ZNF30: variants seen among roughly 807,000 people sequenced by gnomAD.
ZNF30 encodes zinc finger protein 30 (KOX 28).
In ZNF30, 15 loss-of-function variants were observed where a neutral mutation model predicts 13.2. The ratio of observed to expected loss-of-function variants is 1.13; its 90% CI spans 0.76 to 1.75. The LOEUF is 1.75. Ranked by LOEUF, ZNF30 falls within the 40% of genes most tolerant of loss-of-function variation. The probability of loss-of-function intolerance (pLI) is 0.00; values close to 1 mark genes in which losing one functional copy is unlikely to be tolerated. For missense variants in ZNF30, 726 were observed against 757.0 expected, an observed-to-expected ratio of 0.96 and a Z score of 0.48; for synonymous variants, 223 against 256.6, an observed-to-expected ratio of 0.87 and a Z score of 1.25.
In ZNF30 at chr19:34,931,695, T is replaced by C. The variant is rs1352784001; in HGVS notation, c.10-148T>C. Reference sequence around the variant, plus strand: ...CATTTTGTCCATAGCAGCAGGATTCTTCCAGAACATGCAGATACCATGCTC... The same window carrying C: ...CATTTTGTCCATAGCAGCAGGATTCCTCCAGAACATGCAGATACCATGCTC... On this transcript the variant is annotated intron_variant, in intron 2 of 4. Coordinates refer to ENST00000601142, the MANE Select transcript of ZNF30 (RefSeq NM_194325.3). The C allele has an allele frequency of 1.5e-5, 11 of 712,808 alleles. No individual in the cohort carries two copies. In the East Asian group the frequency reaches 1.7e-4, roughly 11 times the overall value. The allele number at this position is 712,808 out of a possible 1,614,324, so 44.2% of individuals were successfully genotyped here.
upstream of ZNF30, among the ~76,000 whole-genome samples, chr19:34,924,339 A>G (rs542139616): frequency 8.9e-4 from 135 of 152,268 alleles, 5 homozygotes; most frequent in South Asian, 0.027. Flanking sequence ...CTACTAATCT[A>G]TTTTATTTCT....
At chr19:34,934,761 C>T (rs898690039) in intron 4 of ZNF30, among the ~76,000 whole-genome samples, 9 of 151,944 alleles carry the variant, frequency 5.9e-5, no homozygotes, top group Admixed American at 3.3e-4. Context: ...AACATTTTTA[C>T]GGGGGCTGGG....
At position 34,928,094 on chromosome 19, in the gene ZNF30, A is replaced by G. The variant is rs370597154; in HGVS notation, c.-65+878A>G. Among the ~76,000 whole-genome samples, 50 of 151,530 alleles carry G rather than the reference A, an allele frequency of 3.3e-4. 1 individual carries two copies. The highest frequency in any genetic ancestry group is 2.7e-3 in the East Asian group (14 of 5,156). On this transcript the variant is annotated intron_variant, in intron 1 of 4. Coordinates refer to ENST00000601142, the MANE Select transcript of ZNF30 (RefSeq NM_194325.3). The stretch of plus-strand genomic sequence containing the variant: ...GTGGCGTGCGCTTGTAGTCACAGCT[A>G]CTTGAGAGGCGGAGGTGGGAGAAGT...
upstream of ZNF30, among the ~76,000 whole-genome samples, chr19:34,926,438 A>T (rs1245356311): frequency 6.6e-6 from 1 of 152,224 alleles, no homozygotes; most frequent in African/African-American, 2.4e-5. Flanking sequence ...TCCTTTTAAA[A>T]GGTCTTACAT....
intron 1 of ZNF30, 105 bp downstream of exon 1, chr19:34,927,321 G>T: frequency 3.2e-6 from 1 of 314,400 alleles, no homozygotes; most frequent in East Asian, 5.0e-5. Context: ...GCGAAGACTG[G>T]GTGCATGGCC....
intron 1 of ZNF30, among the ~76,000 whole-genome samples, chr19:34,929,571 G>A (rs913494303): frequency 6.6e-6 from 1 of 152,196 alleles, no homozygotes; most frequent in Admixed American, 6.5e-5. Flanking sequence ...GGCTTAGAAC[G>A]TGGGAATGGA....
At position 34,943,919 on chromosome 19, in the gene ZNF30, G is replaced by T; in HGVS notation, c.953G>T (p.Cys318Phe). ...CATACTGGCGAGAAACCCTATGAAT[G>T]TAAGGAGTGTGGGAAGTCCTTCACT... Reference protein sequence around the residue: ...RIHTGEKPYECKECGKSFTVY... With the variant: ...RIHTGEKPYEFKECGKSFTVY... The change falls in exon 5 of 5, where the codon TGT becomes TTT. Residue 318 changes from cysteine (C) to phenylalanine (F), a missense_variant. By Grantham distance (205) the Cys-to-Phe change is radical (BLOSUM62 -2). Coordinates refer to ENST00000601142, the MANE Select transcript of ZNF30 (RefSeq NM_194325.3). 6.2e-7 allele frequency: 1 copy of T among 1,614,124 alleles called. No homozygotes were observed. The highest frequency in any genetic ancestry group is 8.5e-7 in the Non-Finnish European group (1 of 1,179,982).
rs10422037 is a variant in ZNF30 at position 34,941,894 on chromosome 19, A to T, written c.257-1329A>T. 1.6e-4 allele frequency among the ~76,000 whole-genome samples: 25 copies of T among 152,132 alleles called. No homozygotes were observed. The South Asian group carries it at 5.0e-3, about 30-fold the overall frequency. On this transcript the variant is annotated intron_variant, in intron 4 of 4. Coordinates refer to ENST00000601142, the MANE Select transcript of ZNF30 (RefSeq NM_194325.3). ...GGCAATGTGTATCTTATCAGCAGAT[A>T]TCTAATGTCTGGCCGTGCTCCTCAT...
upstream of ZNF30, among the ~76,000 whole-genome samples, chr19:34,924,120 C>T (rs1317210250): frequency 1.3e-5 from 2 of 152,114 alleles, no homozygotes; most frequent in Non-Finnish European, 2.9e-5. Flanking sequence ...TTACCTCTGA[C>T]GATTAAACAC....
chr19:34,935,162 C>A (rs528004699), intron 4 of ZNF30, among the ~76,000 whole-genome samples: 1 of 151,696 alleles, frequency 6.6e-6, no homozygotes, highest in Non-Finnish European at 1.5e-5. Flanking sequence ...ACCCAGGAGG[C>A]GGAGCTTGCA....
At chr19:34,942,592 AG>A in intron 4 of ZNF30, 1 of 1,277,396 alleles carries the variant, frequency 7.8e-7, no homozygotes, top group Non-Finnish European at 1.0e-6. Flanking sequence ...AAACATGGAT[AG>A]GATAAGAAAG....
At chr19:34,928,246 T>TATATATATATATATATATATAC (rs2012220533) in intron 1 of ZNF30, among the ~76,000 whole-genome samples, 1 of 54,044 alleles carries the variant, frequency 1.9e-5, no homozygotes, top group African/African-American at 1.6e-4. Flanking sequence ...TATATATATA[T>TATATATATATATATATATATAC]ATATATATAG....
chr19:34,933,345 C>T (rs759277791), intron 3 of ZNF30, among the ~76,000 whole-genome samples: 1 of 151,882 alleles, frequency 6.6e-6, no homozygotes, highest in Admixed American at 6.6e-5. Flanking sequence ...CCCAGCTACT[C>T]GGGAGGCTGA....
chr19:34,939,644 C>T (rs920384799), intron 4 of ZNF30, among the ~76,000 whole-genome samples: 2 of 152,138 alleles, frequency 1.3e-5, no homozygotes, highest in Non-Finnish European at 2.9e-5. Flanking sequence ...AAAAGACATG[C>T]AGGTGATGTG....
In ZNF30 at chr19:34,944,340, T is replaced by C. The variant is rs771574906; in HGVS notation, c.1374T>C (p.Cys458=). ...RVHTGEKPYE[C]KECGKAFRVH... ...ATACTGGAGAGAAACCCTATGAGTG[T>C]AAGGAATGTGGCAAGGCCTTCAGAG... Residue 458 remains cysteine (C), a synonymous_variant, in exon 5 of 5, where the codon TGT becomes TGC. Coordinates refer to ENST00000601142, the MANE Select transcript of ZNF30 (RefSeq NM_194325.3). 8 of 1,614,146 alleles carry C rather than the reference T, an allele frequency of 5.0e-6. No individual in the cohort carries two copies. In the South Asian group the frequency reaches 8.8e-5, roughly 18 times the overall value.
chr19:34,932,332 T>C (rs1237244448), intron 3 of ZNF30, among the ~76,000 whole-genome samples: 8 of 152,202 alleles, frequency 5.3e-5, no homozygotes, highest in African/African-American at 1.7e-4. Context: ...TGCCGGCGGA[T>C]TGGATAAACA....
rs532611725 is a variant in ZNF30, at chr19:34,941,321, A to G, written c.257-1902A>G. On this transcript the variant is annotated intron_variant, in intron 4 of 4. Transcript: ENST00000601142. ...ACTCTGTTGCCCAGGCTGGAGTGCAATGGCGCGATCTTGGCTTACTGCAGC... is the reference window on the plus strand; with the variant it reads ...ACTCTGTTGCCCAGGCTGGAGTGCAGTGGCGCGATCTTGGCTTACTGCAGC... Among the ~76,000 whole-genome samples the G allele has an allele frequency of 1.4e-4, 22 of 152,242 alleles. No homozygotes were observed. The East Asian group carries it at 2.3e-3, about 16-fold the overall frequency.
chr19:34,924,781 G>A (rs1234492127), upstream of ZNF30, among the ~76,000 whole-genome samples: 3 of 152,192 alleles, frequency 2.0e-5, no homozygotes, highest in African/African-American at 7.2e-5. Context: ...GTTTGAAAAT[G>A]AACACTTTAG....
At chr19:34,924,986 G>A (rs2012011783), upstream of ZNF30, among the ~76,000 whole-genome samples, 1 of 152,180 alleles carries the variant, frequency 6.6e-6, no homozygotes, top group Non-Finnish European at 1.5e-5. Context: ...CTTTTGATGC[G>A]AGGCTACTTA....
Sources: gnomAD v4.1 joint callset for allele counts (sites outside exome capture counted in the v4.1 genomes callset) on GRCh38, gnomAD v4.1.1 for gene constraint, MANE v1.5 for transcripts, NCBI Gene and HGNC (gene_info 2026-07-23, HGNC 2026-07-21) for gene names.